The following IFT140 variants were observed in gnomAD, a reference collection of about 807,000 sequenced individuals.
IFT140 encodes intraflagellar transport protein 140 homolog.
In IFT140, 133 loss-of-function variants were observed where a neutral mutation model predicts 164.6. The ratio of observed to expected loss-of-function variants is 0.81; its 90% CI spans 0.70 to 0.93. The LOEUF is 0.93. Among genes scored for constraint, IFT140 ranks in the 40% least tolerant of loss-of-function variants. The pLI is 0.00. For missense variants in IFT140, 2,045 were observed against 1,972.3 expected (o/e 1.04, Z -0.70); for synonymous variants, 860 against 817.3 (o/e 1.05, Z -0.89).
intron 30 of IFT140, among the ~76,000 whole-genome samples, chr16:1,515,145 G>A (rs898400552): frequency 6.6e-6 from 1 of 151,656 alleles, no homozygotes; most frequent in Non-Finnish European, 1.5e-5. Context: ...AGGAGAAAAA[G>A]AGCAAATTTC....
In IFT140 at chr16:1,558,029, C is replaced by G. The variant is rs150004786; in HGVS notation, c.2305G>C (p.Asp769His). ...LRDFVGLEDC[D>H]KATRDAMLHF... ...AGCATGGCGTCCCGGGTGGCCTTGT[C>G]GCAGTCCTCCAGCCCCACAAAGTCT... Residue 769 changes from aspartate to histidine, a missense_variant, in exon 19 of 31, where the codon GAC becomes CAC. Transcript: ENST00000426508. 1 of 1,613,992 alleles carries G rather than the reference C, an allele frequency of 6.2e-7. No individual in the cohort carries two copies. Among genetic ancestry groups the G allele is most frequent in the Non-Finnish European group, 8.5e-7 (1 of 1,180,036 alleles).
At chr16:1,514,398 G>C (rs558061122) in intron 30 of IFT140, 1 of 151,170 alleles carries the variant, frequency 6.6e-6, no homozygotes, top group African/African-American at 2.4e-5. Flanking sequence ...ATAAATAAAA[G>C]ATTTTTGTTG....
At chr16:1,528,345 GCAT>G (rs1567333633) in intron 19 of IFT140, among the ~76,000 whole-genome samples, 16 of 129,498 alleles carry the variant, frequency 1.2e-4, no homozygotes, top group Non-Finnish European at 2.0e-4. Flanking sequence ...GCACACACAC[GCAT>G]GCACGCACGT....
intron 9 of IFT140, 123 bp downstream of exon 9, chr16:1,587,075 G>T: frequency 1.4e-6 from 1 of 700,210 alleles, no homozygotes; most frequent in Non-Finnish European, 2.5e-6. Flanking sequence ...TATTTGAATG[G>T]CTGTGAGTTA....
chr16:1,527,703 C>T (rs1286607168), intron 19 of IFT140, among the ~76,000 whole-genome samples: 4 of 152,226 alleles, frequency 2.6e-5, no homozygotes, highest in Non-Finnish European at 5.9e-5. Context: ...TCCCAAATAG[C>T]TGGGACCACA....
At chr16:1,607,837 G>A (rs1048475943) in intron 2 of IFT140, among the ~76,000 whole-genome samples, 2 of 152,180 alleles carry the variant, frequency 1.3e-5, no homozygotes, top group Admixed American at 6.5e-5. Context: ...GTAGACACAA[G>A]GTTTTACTAT....
rs1049994828 is a variant in IFT140, at chr16:1,551,883, C to T, written c.2399+6052G>A. 9.2e-5 allele frequency among the ~76,000 whole-genome samples: 14 copies of T among 152,100 alleles called. No individual in the cohort carries two copies. Among genetic ancestry groups the T allele is most frequent in the Non-Finnish European group, 1.5e-4 (10 of 68,006 alleles). On this transcript the variant is annotated intron_variant, in intron 19 of 30. Coordinates refer to ENST00000426508, the MANE Select transcript of IFT140 (RefSeq NM_014714.4). The surrounding 1 kb of genome is among the most constrained non-coding windows in gnomAD (Gnocchi z 4.0). The stretch of plus-strand genomic sequence containing the variant: ...TTTTCCTAGAAAGCCACTGTAAATC[C>T]GAGCTGTGCACTCAGAAGCCTCCCG...
chr16:1,566,708 TCCTCCCAGCC>T (rs1297810364), intron 15 of IFT140, among the ~76,000 whole-genome samples: 2 of 152,018 alleles, frequency 1.3e-5, no homozygotes, highest in Non-Finnish European at 2.9e-5. Context: ...AGCCCCTGCC[TCCTCCCAGCC>T]CCGTGTTCTC....
chr16:1,553,349 C>CCT lies in IFT140; in HGVS notation c.2399+4584_2399+4585dup, dbSNP rs566790285. The CCT allele has an allele frequency of 1.8e-4, 175 of 985,384 alleles. No individual in the cohort carries two copies. The highest frequency in any genetic ancestry group is 1.0e-3 in the Admixed American group (17 of 16,284). 61.0% of individuals were successfully genotyped at this position (985,384 alleles called of 1,614,324 possible). A position where few individuals can be genotyped will look rare whatever the true frequency, so the allele number is the denominator to read the frequency against. Reference sequence around the variant, plus strand: ...GTCCCTGTGTCTCTTTTTCTCCCATCCTCTCTCGATGCTGGGGCCACACAG... The same window carrying CCT: ...GTCCCTGTGTCTCTTTTTCTCCCATCCTCTCTCTCGATGCTGGGGCCACACAG... On this transcript the variant is annotated intron_variant, in intron 19 of 30. Transcript: ENST00000426508. This position sits in a 1 kb window ranked among gnomAD's most constrained non-coding sequence, Gnocchi z 4.4.
At chr16:1,532,525 C>T (rs545669627) in intron 19 of IFT140, 2 of 152,404 alleles carry the variant, frequency 1.3e-5, no homozygotes, top group African/African-American at 4.8e-5. Context: ...GAAGTGGCAG[C>T]TCTCGGGACC....
At chr16:1,526,839 CAG>C (rs906915926) in intron 19 of IFT140, 43 bp from the exon 20 acceptor site, 1 of 1,571,640 alleles carries the variant, frequency 6.4e-7, no homozygotes, top group African/African-American at 1.4e-5. Context: ...CCCAGCACCT[CAG>C]GGCCCCCTGG....
At chr16:1,582,219 A>T (rs1473000510) in intron 12 of IFT140, among the ~76,000 whole-genome samples, 2 of 152,148 alleles carry the variant, frequency 1.3e-5, no homozygotes, top group Non-Finnish European at 2.9e-5. Context: ...GAAGATGGTA[A>T]GGTCTTGGGA....
intron 18 of IFT140, among the ~76,000 whole-genome samples, chr16:1,561,200 C>T (rs544718561): frequency 2.6e-5 from 4 of 152,350 alleles, no homozygotes; most frequent in African/African-American, 4.8e-5. Flanking sequence ...GGCACTCCAC[C>T]GTGTCTCAGA....
intron 24 of IFT140, chr16:1,524,234 C>T (rs1346604706): frequency 5.0e-6 from 3 of 605,704 alleles, no homozygotes; most frequent in Non-Finnish European, 5.7e-6. Context: ...TTGTGTGGTG[C>T]AGAACGCCCA....
In IFT140 at chr16:1,602,498, C is replaced by G. The variant is rs1567428662; in HGVS notation, c.241G>C (p.Glu81Gln). 2 of 1,614,198 alleles carry G rather than the reference C, an allele frequency of 1.2e-6. No individual in the cohort carries two copies. The highest frequency in any genetic ancestry group is 4.5e-5 in the East Asian group (2 of 44,880). The change falls in exon 4 of 31, where the codon GAG becomes CAG. Residue 81 changes from glutamate (E) to glutamine (Q), a missense_variant. By Grantham distance (29) the Glu-to-Gln change is conservative. Coordinates refer to ENST00000426508, the MANE Select transcript of IFT140 (RefSeq NM_014714.4). ...TTAAACACCGTCACTTCTCCAGTCT[C>G]CCAGCCCACAGCCAGCACCAGCCGC... ...PTRLVLAVGW[E>Q]TGEVTVFNKQ...
At chr16:1,563,893 C>T in intron 17 of IFT140, 104 bp downstream of exon 17, 4 of 1,254,328 alleles carry the variant, frequency 3.2e-6, no homozygotes, top group Non-Finnish European at 4.3e-6. Context: ...TCCCACAGTG[C>T]CGGGATCACA....
chr16:1,558,256 A>G (rs955357436), intron 18 of IFT140, 122 bp from the exon 19 acceptor site: 2 of 943,586 alleles, frequency 2.1e-6, no homozygotes, highest in Admixed American at 2.2e-5. Context: ...ACAGACAGAT[A>G]TTTACCAACA....
At chr16:1,530,010 A>G (rs1201153740) in intron 19 of IFT140, among the ~76,000 whole-genome samples, 1 of 151,722 alleles carries the variant, frequency 6.6e-6, no homozygotes, top group African/African-American at 2.4e-5. Context: ...CTTCTCTAAC[A>G]TCTGGGTGGT....
In IFT140 at chr16:1,531,770, GGCCGA is replaced by G; in HGVS notation, c.2400-4979_2400-4975del. ...ACCCCAGAAGTGCCAGGAGAGTGGA[GGCCGA>G]TGCTGGCCTCTGCGAACCAGGACTT... On this transcript the variant is annotated intron_variant, in intron 19 of 30. Coordinates refer to ENST00000426508, the MANE Select transcript of IFT140 (RefSeq NM_014714.4). This position sits in a 1 kb window ranked among gnomAD's most constrained non-coding sequence, Gnocchi z 4.7. 1 of 152,384 alleles carries G rather than the reference GGCCGA, an allele frequency of 6.6e-6. No individual in the cohort carries two copies. The highest frequency in any genetic ancestry group is 2.1e-4 in the South Asian group (1 of 4,828). 9.4% of individuals were successfully genotyped at this position (152,384 alleles called of 1,614,324 possible).
Sources: allele counts gnomAD v4.1 joint callset (sites outside exome capture counted in the v4.1 genomes callset), GRCh38; gene constraint gnomAD v4.1.1; non-coding constraint Gnocchi (gnomAD v3.1); transcripts MANE v1.5; gene names NCBI Gene and HGNC (gene_info 2026-07-23, HGNC 2026-07-21).